Variants in SEC63 observed in about 807,000 individuals in gnomAD.
SEC63 encodes the protein SEC63 protein translocation regulator.
SEC63 carries 56 observed loss-of-function variants against 116.2 expected under a neutral mutation model. The observed-to-expected ratio is 0.48, with a 90% confidence interval of 0.39 to 0.60. The LOEUF is 0.60. Ranked by LOEUF, SEC63 falls within the 20% of genes least tolerant of loss-of-function variation. SEC63 has a pLI of 0.00. For missense variants in SEC63, 668 were observed against 900.0 expected (o/e 0.74, Z 3.30); for synonymous variants, 273 against 294.6 (o/e 0.93, Z 0.75).
At position 107,881,203 on chromosome 6, in the gene SEC63, T is replaced by C. The variant is rs146150463; in HGVS notation, c.1881A>G (p.Leu627=). The part of the protein sequence containing the change: ...QQSIQRKERA[L]LETKSKITHP... ...GTGTTATTTTTGATTTGGTTTCCAATAGAGCTCTCTCTTTTCGCTGTATGC... is the reference window on the plus strand; with the variant it reads ...GTGTTATTTTTGATTTGGTTTCCAACAGAGCTCTCTCTTTTCGCTGTATGC... The change falls in exon 18 of 21, where the codon CTA becomes CTG. Residue 627 remains leucine, a synonymous_variant. Transcript: ENST00000369002. 97 of 1,613,280 alleles carry C rather than the reference T, an allele frequency of 6.0e-5. No homozygotes were observed. The African/African-American group carries it at 1.1e-3, about 19-fold the overall frequency.
intron 11 of SEC63, 138 bp from the exon 12 acceptor site, chr6:107,903,136 A>C: frequency 1.2e-6 from 1 of 860,626 alleles, no homozygotes; most frequent in South Asian, 1.5e-5. Flanking sequence ...TTTCCTTTAA[A>C]AGTTACCAGA....
chr6:107,951,124 T>C (rs935935380), intron 1 of SEC63, among the ~76,000 whole-genome samples: 7 of 152,240 alleles, frequency 4.6e-5, no homozygotes, highest in African/African-American at 1.7e-4. Flanking sequence ...AAGACAAACA[T>C]TAACAATTAC....
chr6:107,876,715 G>T, intron 18 of SEC63, 53 bp from the exon 19 acceptor site: 1 of 1,140,152 alleles, frequency 8.8e-7, no homozygotes, highest in Non-Finnish European at 1.3e-6. Flanking sequence ...TAATCAGAAA[G>T]AACTAGAAAG....
chr6:107,953,472 G>C (rs1165060629), intron 1 of SEC63, among the ~76,000 whole-genome samples: 46 of 132,096 alleles, frequency 3.5e-4, no homozygotes, highest in African/African-American at 5.4e-4. Flanking sequence ...CCCCTACTGG[G>C]AAGTGAGGAG....
At chr6:107,882,036 T>C (rs1302241065) in intron 17 of SEC63, among the ~76,000 whole-genome samples, 1 of 152,218 alleles carries the variant, frequency 6.6e-6, no homozygotes, top group Non-Finnish European at 1.5e-5. Context: ...GGATATAATG[T>C]ATTTGACAGA....
At chr6:107,872,714 C>A in intron 20 of SEC63, 94 bp downstream of exon 20, 6 of 782,958 alleles carry the variant, frequency 7.7e-6, no homozygotes, top group South Asian at 3.1e-5. Flanking sequence ...CTTTTTCCTT[C>A]CATAACTCTA....
intron 18 of SEC63, 30 bp from the exon 19 acceptor site, chr6:107,876,692 A>G: frequency 7.7e-7 from 1 of 1,291,724 alleles, no homozygotes; most frequent in Non-Finnish European, 1.1e-6. Flanking sequence ...AAAAAAAAGA[A>G]GAGGGGTATA....
At chr6:107,893,180 T>TAC (rs1786729679) in intron 16 of SEC63, among the ~76,000 whole-genome samples, 1 of 148,920 alleles carries the variant, frequency 6.7e-6, no homozygotes, top group Non-Finnish European at 1.5e-5. Flanking sequence ...CTACAAACAA[T>TAC]ACAGAGGGAT....
chr6:107,898,656 A>G (rs995742039), intron 13 of SEC63, among the ~76,000 whole-genome samples: 1 of 152,218 alleles, frequency 6.6e-6, no homozygotes, highest in Non-Finnish European at 1.5e-5. Flanking sequence ...TTTTAAAACC[A>G]TATTTCCCAC....
chr6:107,953,951 C>T (rs1770645997), intron 1 of SEC63, among the ~76,000 whole-genome samples: 2 of 152,274 alleles, frequency 1.3e-5, no homozygotes, highest in African/African-American at 4.8e-5. Flanking sequence ...CGGCCACCAC[C>T]CCGTCTGGGA....
Position 107,870,454 on chromosome 6 carries a change from G to T in SEC63, c.*1250C>A, listed in dbSNP as rs1387443152. The T allele has an allele frequency of 1.3e-5, 2 of 152,566 alleles. No homozygotes were observed. Among genetic ancestry groups the T allele is most frequent in the Non-Finnish European group, 2.9e-5 (2 of 68,026 alleles). The allele number at this position is 152,566 out of a possible 1,614,324, so 9.5% of individuals were successfully genotyped here. On this transcript the variant is annotated 3_prime_UTR_variant, in exon 21 of 21. Transcript: ENST00000369002. ...CAATATTTTGACCTATGGAGATTTT[G>T]ATAGGAAAGAATTATTACAATCAGT...
chr6:107,934,447 C>T (rs1250607699), intron 1 of SEC63, among the ~76,000 whole-genome samples: 1 of 148,504 alleles, frequency 6.7e-6, no homozygotes, highest in African/African-American at 2.5e-5. Context: ...CCGGCCGCGA[C>T]CCCGTCTGGG....
chr6:107,944,308 C>A (rs1453770066), intron 1 of SEC63, among the ~76,000 whole-genome samples: 5 of 152,166 alleles, frequency 3.3e-5, no homozygotes, highest in African/African-American at 1.2e-4. Context: ...GTAATCCTGT[C>A]AATTTTGTGC....
chr6:107,917,352 C>G (rs1787429485), intron 4 of SEC63, among the ~76,000 whole-genome samples: 1 of 152,112 alleles, frequency 6.6e-6, no homozygotes, highest in Non-Finnish European at 1.5e-5. Flanking sequence ...CCCTAATTTC[C>G]CACTTCACAC....
intron 4 of SEC63, among the ~76,000 whole-genome samples, chr6:107,920,395 C>T (rs9386683): frequency 0.11 from 15,263 of 142,566 alleles, 889 homozygotes; most frequent in East Asian, 0.21. Flanking sequence ...CACTGCAGTC[C>T]AGCCTGGGCG....
chr6:107,929,452 A>G lies in SEC63; in HGVS notation c.187T>C (p.Leu63=), dbSNP rs751297403. Residue 63 remains leucine (L), a synonymous_variant, in exon 2 of 21, where the codon TTA becomes CTA. Coordinates refer to ENST00000369002, the MANE Select transcript of SEC63 (RefSeq NM_007214.5). ...ATAATATTTGGCTGGGGTTTTAATAACCGTAAACGATACCACATACACCTT... is the reference window on the plus strand; with the variant it reads ...ATAATATTTGGCTGGGGTTTTAATAGCCGTAAACGATACCACATACACCTT... ...YGRCMWYRLR[L]LKPQPNIIPT... 47 of 1,601,200 alleles carry G rather than the reference A, an allele frequency of 2.9e-5. No homozygotes were observed. The highest frequency in any genetic ancestry group is 3.6e-5 in the Non-Finnish European group (42 of 1,168,564).
chr6:107,882,461 T>A (rs1045657167), intron 17 of SEC63, among the ~76,000 whole-genome samples: 1 of 152,172 alleles, frequency 6.6e-6, no homozygotes, highest in African/African-American at 2.4e-5. Context: ...ATTAATAAAT[T>A]CTGTAAAGAC....
intron 1 of SEC63, chr6:107,931,758 A>C (rs1787816184): frequency 6.6e-6 from 1 of 152,182 alleles, no homozygotes; most frequent in Non-Finnish European, 1.5e-5. Flanking sequence ...ACAAAAAAAA[A>C]AAAAATCAAG....
At chr6:107,901,560 C>T in intron 12 of SEC63, 43 bp from the exon 13 acceptor site, 1 of 1,387,824 alleles carries the variant, frequency 7.2e-7, no homozygotes, top group Non-Finnish European at 9.9e-7. Flanking sequence ...CCCTAACTCA[C>T]AAAGCTTTTC....
Sources: allele counts gnomAD v4.1 joint callset (sites outside exome capture counted in the v4.1 genomes callset), GRCh38; gene constraint gnomAD v4.1.1; transcripts MANE v1.5; gene names NCBI Gene and HGNC (gene_info 2026-07-23, HGNC 2026-07-21).